Variants in CSF1R observed in about 807,000 individuals in gnomAD.
The protein encoded by CSF1R is macrophage colony-stimulating factor 1 receptor.
A neutral mutation model predicts 110.0 loss-of-function variants in CSF1R; 40 were observed. The observed-to-expected ratio is 0.36, with a 90% CI of 0.28 to 0.47. CSF1R has a LOEUF of 0.47. Among genes scored for constraint, CSF1R ranks in the 20% least tolerant of loss-of-function variants. CSF1R has a pLI of 0.99. For missense variants in CSF1R, 1,052 were observed against 1,253.0 expected, an observed-to-expected ratio of 0.84 and a Z score of 2.42; for synonymous variants, 523 against 503.4, an observed-to-expected ratio of 1.04 and a Z score of -0.52.
In CSF1R at chr5:150,061,761, T is replaced by G. The variant is rs1334063870; in HGVS notation, c.1715A>C (p.Asn572Thr). 6.2e-7 allele frequency: 1 copy of G among 1,614,148 alleles called. No homozygotes were observed. The highest frequency in any genetic ancestry group is 2.2e-5 in the East Asian group (1 of 44,874). ...TFIDPTQLPY[N>T]EKWEFPRNNL... ...GTTCCGGGGGAACTCCCACTTCTCGTTGTAAGGCAGCTGCGTGGGGTCGAT... is the reference window on the plus strand; with the variant it reads ...GTTCCGGGGGAACTCCCACTTCTCGGTGTAAGGCAGCTGCGTGGGGTCGAT... Residue 572 changes from asparagine (N) to threonine (T), a missense_variant, in exon 11 of 21, where the codon AAC (asparagine) becomes ACC (threonine). By Grantham distance (65) the Asn-to-Thr change is moderately conservative (BLOSUM62 0). This residue lies in a region of CSF1R where 693 missense variants were observed against 735.4 expected (regional missense o/e 0.94). Transcript: ENST00000675795.
upstream of CSF1R, among the ~76,000 whole-genome samples, chr5:150,088,941 A>G (rs1758951102): frequency 6.6e-6 from 1 of 152,254 alleles, no homozygotes; most frequent in Non-Finnish European, 1.5e-5. Flanking sequence ...TCAGGGTAAT[A>G]CATCACATTA....
At chr5:150,069,795 G>T (rs1757948582) in intron 9 of CSF1R, 78 bp downstream of exon 9, 3 of 1,267,204 alleles carry the variant, frequency 2.4e-6, no homozygotes, top group Non-Finnish European at 2.1e-6. Flanking sequence ...TCGGTGGGGG[G>T]TGGGGGAGGA....
At chr5:150,099,907 G>A (rs1159051765) in intron 1 of CSF1R, among the ~76,000 whole-genome samples, 1 of 152,124 alleles carries the variant, frequency 6.6e-6, no homozygotes, top group Non-Finnish European at 1.5e-5. Context: ...GGAAAAAAAT[G>A]TAAAGGGCCA....
rs1329863566 is a variant in CSF1R, at chr5:150,053,761, T to TA, written c.*307dup. 2.1e-6 allele frequency: 1 copy of TA among 469,896 alleles called. No individual in the cohort carries two copies. Among genetic ancestry groups the TA allele is most frequent in the Non-Finnish European group, 3.9e-6 (1 of 258,064 alleles). The allele number at this position is 469,896 out of a possible 1,614,324, so 29.1% of individuals were successfully genotyped here. Reference sequence around the variant, plus strand: ...TAAAGTCAGTCCATTTCCATGAAGATAAGGGGATTAGGAAAGAAGGTTCTA... The same window carrying TA: ...TAAAGTCAGTCCATTTCCATGAAGATAAAGGGGATTAGGAAAGAAGGTTCTA... On this transcript the variant is annotated 3_prime_UTR_variant, in exon 21 of 21. Transcript: ENST00000675795.
At chr5:150,102,292 A>G (rs1315527015) in intron 1 of CSF1R, among the ~76,000 whole-genome samples, 1 of 152,238 alleles carries the variant, frequency 6.6e-6, no homozygotes, top group African/African-American at 2.4e-5. Context: ...ACTTGCTGAC[A>G]TGGGATATCA....
Position 150,077,342 on chromosome 5 carries a change from T to C in CSF1R, c.823A>G (p.Asn275Asp). ...ACGTTGCTGGCCACGCAGGAGTAGT[T>C]GCCGGCATGTTGGAAATCTACTTGA... is the stretch of plus-strand genomic sequence containing the variant. Reference protein sequence around the residue: ...LDQVDFQHAGNYSCVASNVQG... With the variant: ...LDQVDFQHAGDYSCVASNVQG... The change falls in exon 5 of 21, where the codon AAC becomes GAC. Residue 275 changes from asparagine to aspartate, a missense_variant. This residue lies in a region of CSF1R where 693 missense variants were observed against 735.4 expected (regional missense o/e 0.94). Coordinates refer to ENST00000675795, the MANE Select transcript of CSF1R (RefSeq NM_001288705.3). The C allele has an allele frequency of 1.2e-6, 2 of 1,614,216 alleles. No individual in the cohort carries two copies. Among genetic ancestry groups the C allele is most frequent in the Non-Finnish European group, 1.7e-6 (2 of 1,180,036 alleles).
At chr5:150,069,799 G>A in intron 9 of CSF1R, 74 bp downstream of exon 9, 2 of 1,276,688 alleles carry the variant, frequency 1.6e-6, no homozygotes, top group East Asian at 3.3e-5. Flanking sequence ...TGGGGGGTGG[G>A]GGAGGAGCCG....
chr5:150,111,369 G>C (rs997424765), intron 1 of CSF1R, among the ~76,000 whole-genome samples: 5 of 152,204 alleles, frequency 3.3e-5, no homozygotes, highest in African/African-American at 1.2e-4. Context: ...GCCCGCCTGA[G>C]GGGAGAGACT....
chr5:150,112,418 C>T (rs1028657027), intron 1 of CSF1R, among the ~76,000 whole-genome samples: 1 of 152,154 alleles, frequency 6.6e-6, no homozygotes, highest in Non-Finnish European at 1.5e-5. Flanking sequence ...CAACCTTTGT[C>T]TTAGTGTGGC....
intron 1 of CSF1R, among the ~76,000 whole-genome samples, chr5:150,103,022 T>C (rs1759450519): frequency 6.6e-6 from 1 of 152,204 alleles, no homozygotes; most frequent in Non-Finnish European, 1.5e-5. Flanking sequence ...CATTTTCTCA[T>C]ACAGGCCTGG....
chr5:150,088,660 A>G (rs1214583149), upstream of CSF1R, among the ~76,000 whole-genome samples: 1 of 151,980 alleles, frequency 6.6e-6, no homozygotes, highest in African/African-American at 2.4e-5. Flanking sequence ...CAAACTCCCG[A>G]GTAGCTGGGA....
intron 1 of CSF1R, among the ~76,000 whole-genome samples, chr5:150,109,554 C>G (rs1759658513): frequency 6.6e-6 from 1 of 152,242 alleles, no homozygotes; most frequent in Non-Finnish European, 1.5e-5. Context: ...CAACTCTTCT[C>G]TGTCACCCAC....
chr5:150,108,366 A>G (rs999389831), intron 1 of CSF1R, among the ~76,000 whole-genome samples: 1 of 152,190 alleles, frequency 6.6e-6, no homozygotes, highest in Non-Finnish European at 1.5e-5. Flanking sequence ...AAAAAGGGGC[A>G]GAGGTCAGGA....
intron 1 of CSF1R, among the ~76,000 whole-genome samples, chr5:150,107,774 G>A (rs1759597247): frequency 6.6e-6 from 1 of 152,252 alleles, no homozygotes; most frequent in African/African-American, 2.4e-5. Flanking sequence ...GGCCTTTCAA[G>A]GCCTTGTTTC....
At chr5:150,100,571 T>A (rs932473311) in intron 1 of CSF1R, among the ~76,000 whole-genome samples, 2 of 152,160 alleles carry the variant, frequency 1.3e-5, no homozygotes, top group Non-Finnish European at 2.9e-5. Flanking sequence ...ATGAACTCCC[T>A]TACCAAGTGT....
At chr5:150,076,358 CTAT>C (rs1401145070) in intron 5 of CSF1R, among the ~76,000 whole-genome samples, 47 of 151,310 alleles carry the variant, frequency 3.1e-4, no homozygotes, top group African/African-American at 1.1e-3. Context: ...ATCTATCTAT[CTAT>C]CTATCTATCT....
In CSF1R at chr5:150,068,270, G is replaced by A; in HGVS notation, c.1571C>T (p.Ser524Phe). 1 of 1,612,870 alleles carries A rather than the reference G, an allele frequency of 6.2e-7. No individual in the cohort carries two copies. The highest frequency in any genetic ancestry group is 1.3e-5 in the African/African-American group (1 of 75,028). Residue 524 changes from serine to phenylalanine, a missense_variant, in exon 10 of 21, where the codon TCC (serine) becomes TTC (phenylalanine). This residue lies in a region of CSF1R where 693 missense variants were observed against 735.4 expected (regional missense o/e 0.94). Coordinates refer to ENST00000675795, the MANE Select transcript of CSF1R (RefSeq NM_001288705.3). ...CAGCAGCAGCAGCAAGGCCATGATG[G>A]ACATGCAGGCGACCACCACTGGTGT... ...LFTPVVVACMSIMALLLLLLL... is the reference protein window; with the variant it reads ...LFTPVVVACMFIMALLLLLLL...
intron 9 of CSF1R, among the ~76,000 whole-genome samples, 197 bp from the exon 10 acceptor site, chr5:150,068,527 T>C (rs1182460635): frequency 6.6e-6 from 1 of 151,902 alleles, no homozygotes; most frequent in African/African-American, 2.4e-5. Context: ...CCTCTTCAGC[T>C]CTGCTCATGC....
intron 1 of CSF1R, among the ~76,000 whole-genome samples, chr5:150,096,187 C>T (rs373388273): frequency 3.9e-4 from 59 of 152,182 alleles, no homozygotes; most frequent in African/African-American, 1.4e-3. Context: ...GTCAGAAGTT[C>T]GAGACCAGCC....
Sources: gnomAD v4.1 joint callset for allele counts (sites outside exome capture counted in the v4.1 genomes callset) on GRCh38, gnomAD v4.1.1 for gene constraint, gnomAD v4.1.1 regional missense constraint, MANE v1.5 for transcripts, NCBI Gene and HGNC (gene_info 2026-07-23, HGNC 2026-07-21) for gene names.